The following GPHN variants were observed in gnomAD, a reference collection of about 807,000 sequenced individuals.
GPHN encodes gephyrin.
GPHN carries 17 observed loss-of-function variants against 95.5 expected under a neutral mutation model. The observed-to-expected ratio is 0.18, with a 90% CI of 0.12 to 0.27. The LOEUF (loss-of-function observed/expected upper bound fraction) is 0.27. Ranked by LOEUF, GPHN falls within the 10% of genes least tolerant of loss-of-function variation. The pLI is 1.00. For synonymous variants in GPHN, 320 were observed against 322.5 expected, an observed-to-expected ratio of 0.99 and a Z score of 0.08; for missense variants, 660 against 978.1, an observed-to-expected ratio of 0.67 and a Z score of 4.34.
At chr14:67,333,200 C>T in the GPHN span, 1 of 355,050 alleles carries the variant, frequency 2.8e-6, no homozygotes, top group African/African-American at 2.1e-5. Context: ...TAAATGGAAG[C>T]TTTCAACAGA....
chr14:66,672,553 C>A (rs1229411261), intron 1 of GPHN, among the ~76,000 whole-genome samples: 1 of 152,142 alleles, frequency 6.6e-6, no homozygotes, highest in Non-Finnish European at 1.5e-5. Context: ...CCTTGCACTT[C>A]TATCAGTTTT....
At chr14:66,752,582 A>G (rs1305598439) in intron 2 of GPHN, among the ~76,000 whole-genome samples, 1 of 152,122 alleles carries the variant, frequency 6.6e-6, no homozygotes, top group East Asian at 1.9e-4. Flanking sequence ...TATGGGCTCA[A>G]TTGATGTTGA....
At chr14:67,187,839 G>T in the GPHN span, among the ~76,000 whole-genome samples, 9 of 152,000 alleles carry the variant, frequency 5.9e-5, no homozygotes, top group Non-Finnish European at 8.8e-5. Context: ...CCTCCAATTG[G>T]ACTAAGTACC....
rs74430885 is a variant in GPHN at position 66,808,127 on chromosome 14, T to G, written c.202-16347T>G. Reference sequence around the variant, plus strand: ...TATGTTTTTAAGTTTTTTCATTGATTACAGGTGTTATTAAACATCTTTTCA... The same window carrying G: ...TATGTTTTTAAGTTTTTTCATTGATGACAGGTGTTATTAAACATCTTTTCA... On this transcript the variant is annotated intron_variant, in intron 3 of 22. Transcript: ENST00000478722. 5.5e-3 allele frequency among the ~76,000 whole-genome samples: 837 copies of G among 152,362 alleles called. 10 individuals are homozygous for G. The highest frequency in any genetic ancestry group is 0.019 in the African/African-American group (794 of 41,586).
rs528066761 is a variant in GPHN, at chr14:66,655,352, AT to A, written c.65-25747del. ...TTGTAGATGTACACCTACCTATTTC[AT>A]TTTTTTTAAGCAATGATAAGTGGCA... On this transcript the variant is annotated intron_variant, in intron 1 of 22. Transcript: ENST00000478722. Among the ~76,000 whole-genome samples, 487 of 151,946 alleles carry A rather than the reference AT, an allele frequency of 3.2e-3. 2 individuals carry two copies. Among genetic ancestry groups the A allele is most frequent in the Non-Finnish European group, 4.9e-3 (336 of 67,914 alleles).
chr14:67,325,598 A>G, the GPHN span, among the ~76,000 whole-genome samples: 520 of 152,308 alleles, frequency 3.4e-3, 1 homozygote, highest in Non-Finnish European at 6.2e-3. Context: ...TTAGTGTCCA[A>G]TAACTACTTT....
chr14:66,861,016 G>A (rs1287264026), intron 4 of GPHN, among the ~76,000 whole-genome samples: 1 of 151,938 alleles, frequency 6.6e-6, no homozygotes, highest in Non-Finnish European at 1.5e-5. Context: ...TAACAAAATG[G>A]CAGGTGTAAG....
chr14:67,564,419 A>G, the GPHN span, among the ~76,000 whole-genome samples: 2 of 152,186 alleles, frequency 1.3e-5, no homozygotes, highest in Non-Finnish European at 2.9e-5. Context: ...CTGGCCACAC[A>G]TCATTAACCT....
the GPHN span, chr14:67,578,407 A>G: frequency 0.028 from 22,557 of 810,738 alleles, 767 homozygotes; most frequent in African/African-American, 0.13. The surrounding 1 kb of genome is among the most constrained non-coding windows in gnomAD (Gnocchi z 5.0). Flanking sequence ...TGGCCATCCC[A>G]GCACCCAGAG....
chr14:66,894,579 A>C (rs1658675966), intron 5 of GPHN, among the ~76,000 whole-genome samples: 2 of 152,214 alleles, frequency 1.3e-5, no homozygotes, highest in Admixed American at 1.3e-4. Flanking sequence ...TAGGCAGCCT[A>C]CAGAATGGGA....
intron 2 of GPHN, among the ~76,000 whole-genome samples, chr14:66,753,750 G>A (rs1471611982): frequency 6.6e-6 from 1 of 151,984 alleles, no homozygotes; most frequent in Non-Finnish European, 1.5e-5. Context: ...CTTATTTTAA[G>A]TGCACAATTC....
the GPHN span, chr14:67,352,708 GC>G: frequency 2.2e-6 from 1 of 446,936 alleles, no homozygotes; most frequent in Non-Finnish European, 3.9e-6. Flanking sequence ...CAGGCGGGGG[GC>G]CAATCAGATC....
chr14:66,663,991 A>G (rs1487262505), intron 1 of GPHN, among the ~76,000 whole-genome samples: 2 of 152,220 alleles, frequency 1.3e-5, no homozygotes, highest in African/African-American at 2.4e-5. Context: ...CCAAGTTATT[A>G]GAGACCTTCA....
intron 9 of GPHN, among the ~76,000 whole-genome samples, chr14:67,010,287 A>C (rs1446414374): frequency 6.6e-6 from 1 of 151,070 alleles, no homozygotes; most frequent in Non-Finnish European, 1.5e-5. Flanking sequence ...GCGGTGGCTC[A>C]CGCCTGTAAT....
chr14:66,652,138 A>G (rs1186929789), intron 1 of GPHN, among the ~76,000 whole-genome samples: 2 of 152,138 alleles, frequency 1.3e-5, no homozygotes, highest in African/African-American at 4.8e-5. Flanking sequence ...AGGGGGGCCT[A>G]TAATGGGATA....
At chr14:66,639,600 G>C (rs1439831696) in intron 1 of GPHN, among the ~76,000 whole-genome samples, 1 of 141,922 alleles carries the variant, frequency 7.0e-6, no homozygotes, top group African/African-American at 2.9e-5. Flanking sequence ...CCCAGCTGGT[G>C]AATGGTGATG....
intron 5 of GPHN, among the ~76,000 whole-genome samples, chr14:66,889,236 T>C (rs781733321): frequency 5.3e-5 from 8 of 151,838 alleles, no homozygotes; most frequent in Non-Finnish European, 1.2e-4. Flanking sequence ...AACAACACAA[T>C]AAACCAACTA....
rs548910031 is a variant in GPHN, at chr14:66,560,347, C to T, written c.64+51756C>T. The stretch of plus-strand genomic sequence containing the variant: ...ACCTTGGGCAGTTTGGCCATTTTCA[C>T]GATATTGATTCTTCCTACCCATGAG... On this transcript the variant is annotated intron_variant, in intron 1 of 22. Coordinates refer to ENST00000478722, the MANE Select transcript of GPHN (RefSeq NM_020806.5). Among the ~76,000 whole-genome samples, 32 of 152,222 alleles carry T rather than the reference C, an allele frequency of 2.1e-4. No homozygotes were observed. The South Asian group carries it at 2.5e-3, about 12-fold the overall frequency.
the GPHN span, chr14:67,587,155 G>A: frequency 6.2e-7 from 1 of 1,613,960 alleles, no homozygotes; most frequent in Non-Finnish European, 8.5e-7. Context: ...CCCACCCGGA[G>A]CCTGCCAGCT....
Sources: allele counts gnomAD v4.1 joint callset (sites outside exome capture counted in the v4.1 genomes callset), GRCh38; gene constraint gnomAD v4.1.1; non-coding constraint Gnocchi (gnomAD v3.1); transcripts MANE v1.5; gene names NCBI Gene and HGNC (gene_info 2026-07-23, HGNC 2026-07-21).